CDS2: variants seen among roughly 807,000 people sequenced by gnomAD.
CDS2 encodes phosphatidate cytidylyltransferase 2.
In CDS2, 47 loss-of-function variants were observed where a neutral mutation model predicts 59.0. The ratio of observed to expected loss-of-function variants is 0.80; its 90% CI spans 0.63 to 1.02. The LOEUF (loss-of-function observed/expected upper bound fraction) is 1.02, where lower values mean the gene tolerates loss of function less well. Among genes scored for constraint, CDS2 ranks in the 50% least tolerant of loss-of-function variants. The pLI is 0.00. For synonymous variants in CDS2, 207 were observed against 206.4 expected, an observed-to-expected ratio of 1.00 and a Z score of -0.02; for missense variants, 356 against 558.9, an observed-to-expected ratio of 0.64 and a Z score of 3.66.
intron 1 of CDS2, among the ~76,000 whole-genome samples, chr20:5,136,715 G>A (rs2090652807): frequency 6.6e-6 from 1 of 151,998 alleles, no homozygotes; most frequent in Non-Finnish European, 1.5e-5. Flanking sequence ...GGGGTGGGGT[G>A]GAGTGATAGA....
intron 1 of CDS2, among the ~76,000 whole-genome samples, chr20:5,163,787 C>CT (rs1568536682): frequency 5.2e-5 from 6 of 115,892 alleles, no homozygotes; most frequent in Admixed American, 8.5e-5. Flanking sequence ...TAATTTCTTT[C>CT]TTTCTTTTTT....
intron 1 of CDS2, among the ~76,000 whole-genome samples, chr20:5,135,456 G>A (rs6053142): frequency 0.093 from 12,975 of 139,486 alleles, 1,189 homozygotes; most frequent in African/African-American, 0.32. Context: ...CTGTTTGTGT[G>A]TCATACTGCC....
At chr20:5,162,715 C>CCAG (rs2090884183) in intron 1 of CDS2, among the ~76,000 whole-genome samples, 1 of 151,704 alleles carries the variant, frequency 6.6e-6, no homozygotes, top group South Asian at 2.1e-4. Flanking sequence ...TGTGGTAGGT[C>CCAG]CAGAACTGAG....
At position 5,194,444 on chromosome 20, in the gene CDS2, T is replaced by C. The variant is rs1321809763; in HGVS notation, c.*4210T>C. 6.6e-6 allele frequency: 1 copy of C among 152,312 alleles called. No individual in the cohort carries two copies. The highest frequency in any genetic ancestry group is 1.5e-5 in the Non-Finnish European group (1 of 68,112). The allele number at this position is 152,312 out of a possible 1,614,324, so 9.4% of individuals were successfully genotyped here. ...GCCCTATTCTCAGAAGAGTCCTGGC[T>C]GCTGTTGCCATCTGAATGCGCCCTT... On this transcript the variant is annotated 3_prime_UTR_variant, in exon 13 of 13. Transcript: ENST00000460006.
chr20:5,129,501 G>A (rs1186336848), intron 1 of CDS2, among the ~76,000 whole-genome samples: 1 of 150,776 alleles, frequency 6.6e-6, no homozygotes, highest in Non-Finnish European at 1.5e-5. Context: ...GGAGTGCAAT[G>A]GCATGATGTT....
intron 1 of CDS2, among the ~76,000 whole-genome samples, chr20:5,147,762 A>G (rs1600480034): frequency 6.7e-6 from 1 of 149,898 alleles, no homozygotes. Context: ...GAGTCTTGCC[A>G]TGTTGCCCAG....
intron 1 of CDS2, among the ~76,000 whole-genome samples, chr20:5,151,495 A>G (rs1204814024): frequency 2.0e-5 from 3 of 152,202 alleles, no homozygotes; most frequent in Non-Finnish European, 4.4e-5. Flanking sequence ...GCAAGGTGGT[A>G]TGTACCTGTA....
rs764012727 is a variant in CDS2 at position 5,175,183 on chromosome 20, A to C, written c.195A>C (p.Arg65Ser). The change falls in exon 3 of 13, where the codon AGA becomes AGC. Residue 65 changes from arginine (R) to serine (S), a missense_variant and splice_region_variant. Arg to Ser is a moderately radical substitution (Grantham distance 110). Around this residue, in one of 5 missense-constraint regions of CDS2, gnomAD observed 107 missense variants for 129.7 expected, o/e 0.82. Coordinates refer to ENST00000460006, the MANE Select transcript of CDS2 (RefSeq NM_003818.4). Reference protein sequence around the residue: ...LNRALSNLSSRWKNWWVRGIL... With the variant: ...LNRALSNLSSSWKNWWVRGIL... Reference sequence around the variant, plus strand: ...CTCCTTCCCCTGCTCTCTGACCTAGATGGAAGAACTGGTGGGTGAGAGGCA... The same window carrying C: ...CTCCTTCCCCTGCTCTCTGACCTAGCTGGAAGAACTGGTGGGTGAGAGGCA... 6 of 1,612,874 alleles carry C rather than the reference A, an allele frequency of 3.7e-6. No individual in the cohort carries two copies. In the Admixed American group the frequency reaches 1.0e-4, roughly 27 times the overall value.
intron 1 of CDS2, among the ~76,000 whole-genome samples, chr20:5,151,996 T>C (rs1206773207): frequency 2.0e-5 from 3 of 151,000 alleles, no homozygotes; most frequent in Admixed American, 6.6e-5. Flanking sequence ...ACTCCCGACC[T>C]CAGAAGATCC....
At chr20:5,189,713 A>G (rs758328750) in intron 11 of CDS2, 22 bp from the exon 12 acceptor site, 273 of 1,596,212 alleles carry the variant, frequency 1.7e-4, no homozygotes, top group Non-Finnish European at 2.3e-4. Flanking sequence ...AAGTTCACCC[A>G]TCCTTCCCCT....
rs940044165 is a variant in CDS2, at chr20:5,177,967, C to T, written c.390-850C>T. The stretch of plus-strand genomic sequence containing the variant: ...TTTTCCATGTAACAGAAAAGAAACC[C>T]AATATGGGAGTTTTTGTACTTCATA... On this transcript the variant is annotated intron_variant, in intron 4 of 12. Transcript: ENST00000460006. Among the ~76,000 whole-genome samples the T allele has an allele frequency of 3.9e-5, 6 of 152,246 alleles. No individual in the cohort carries two copies. In the South Asian group the frequency reaches 1.0e-3, roughly 26 times the overall value.
intron 1 of CDS2, among the ~76,000 whole-genome samples, chr20:5,150,738 T>G (rs1489041246): frequency 6.6e-6 from 1 of 152,204 alleles, no homozygotes; most frequent in Non-Finnish European, 1.5e-5. Flanking sequence ...CCCCATTTCC[T>G]CATCTCTGTC....
At position 5,184,742 on chromosome 20, in the gene CDS2, G is replaced by C. The variant is rs1237633121; in HGVS notation, c.672-116G>C. The C allele has an allele frequency of 7.4e-6, 6 of 816,018 alleles. No homozygotes were observed. Among genetic ancestry groups the C allele is most frequent in the African/African-American group, 1.7e-5 (1 of 59,212 alleles). The allele number at this position is 816,018 out of a possible 1,614,324, so 50.5% of individuals were successfully genotyped here. On this transcript the variant is annotated intron_variant, in intron 7 of 12. Transcript: ENST00000460006. This position sits in a 1 kb window ranked among gnomAD's most constrained non-coding sequence, Gnocchi z 4.3. The stretch of plus-strand genomic sequence containing the variant: ...ATGTTTTTAACTTACTCCTTAATGG[G>C]TTACCAGAATTTTATGGGTGATTTT...
At chr20:5,177,816 T>C (rs1322297095) in intron 4 of CDS2, among the ~76,000 whole-genome samples, 1 of 152,214 alleles carries the variant, frequency 6.6e-6, no homozygotes, top group African/African-American at 2.4e-5. Flanking sequence ...GGAATTGGGA[T>C]TGCCACCTGG....
intron 9 of CDS2, 87 bp from the exon 10 acceptor site, chr20:5,186,600 C>T (rs1416955963): frequency 2.8e-6 from 4 of 1,420,362 alleles, no homozygotes; most frequent in African/African-American, 1.4e-5. Context: ...TAGGCACCCT[C>T]AGGAACATGG....
chr20:5,146,909 T>C (rs558849839), intron 1 of CDS2, among the ~76,000 whole-genome samples: 2 of 152,306 alleles, frequency 1.3e-5, no homozygotes, highest in South Asian at 4.1e-4. Flanking sequence ...GTGGCTTCTA[T>C]CTCTAGTATA....
intron 1 of CDS2, among the ~76,000 whole-genome samples, chr20:5,130,113 C>T (rs2090592169): frequency 6.6e-6 from 1 of 152,098 alleles, no homozygotes; most frequent in African/African-American, 2.4e-5. Flanking sequence ...CCTGGGATTA[C>T]AGGTGCCTGC....
intron 3 of CDS2, chr20:5,176,382 C>G: frequency 2.7e-6 from 1 of 363,884 alleles, no homozygotes; most frequent in East Asian, 5.1e-5. Context: ...CACGGTGAAA[C>G]CCTGTCTTAA....
In CDS2 at chr20:5,127,102, C is replaced by T; in HGVS notation, c.10C>T (p.Leu4=). Residue 4 remains leucine (L), a synonymous_variant, in exon 1 of 13, where the codon CTG becomes TTG. Transcript: ENST00000460006. MTE[L]RQRVAHEPVA... ...GGCCGATTTTCCCAGGATGACAGAG[C>T]TGAGGCAGAGGGTGGCCCATGAGCC... 1.3e-6 allele frequency: 2 copies of T among 1,499,876 alleles called. No individual in the cohort carries two copies. The highest frequency in any genetic ancestry group is 1.3e-5 in the South Asian group (1 of 79,314). 92.9% of individuals were successfully genotyped at this position (1,499,876 alleles called of 1,614,324 possible).
Sources: gnomAD v4.1 joint callset for allele counts (sites outside exome capture counted in the v4.1 genomes callset) on GRCh38, gnomAD v4.1.1 for gene constraint, gnomAD v4.1.1 regional missense constraint, Gnocchi (gnomAD v3.1) non-coding constraint, MANE v1.5 for transcripts, NCBI Gene and HGNC (gene_info 2026-07-23, HGNC 2026-07-21) for gene names.